ITPK1: variants seen among roughly 807,000 people sequenced by gnomAD.
ITPK1 encodes the protein inositol-tetrakisphosphate 1-kinase.
ITPK1 carries 21 observed loss-of-function variants against 45.3 expected under a neutral mutation model. The ratio of observed to expected loss-of-function variants is 0.46; its 90% confidence interval spans 0.33 to 0.67. The LOEUF (loss-of-function observed/expected upper bound fraction) is 0.67, where lower values mean the gene tolerates loss of function less well. Ranked by LOEUF, ITPK1 falls within the 30% of genes least tolerant of loss-of-function variation. The pLI is 0.02. For synonymous variants in ITPK1, 258 were observed against 253.6 expected (o/e 1.02, Z -0.16); for missense variants, 474 against 573.5 (o/e 0.83, Z 1.77).
intron 7 of ITPK1, among the ~76,000 whole-genome samples, chr14:92,961,540 C>A (rs1488175651): frequency 6.6e-6 from 1 of 152,238 alleles, no homozygotes; most frequent in African/African-American, 2.4e-5. Flanking sequence ...CGTCTCAATT[C>A]AGCAGCATGG....
intron 3 of ITPK1, among the ~76,000 whole-genome samples, chr14:93,051,323 CAA>C (rs973893767): frequency 1.3e-5 from 2 of 152,200 alleles, no homozygotes; most frequent in African/African-American, 4.8e-5. Flanking sequence ...AAACACAGAT[CAA>C]GAGAGAGTGG....
chr14:93,066,301 C>T (rs553250666), intron 3 of ITPK1: 235 of 450,816 alleles, frequency 5.2e-4, no homozygotes, highest in African/African-American at 4.3e-3. Context: ...CGTGTGTGCG[C>T]GTGCATGTGT....
intron 3 of ITPK1, among the ~76,000 whole-genome samples, chr14:93,049,533 A>T (rs1467066091): frequency 6.6e-6 from 1 of 152,038 alleles, no homozygotes; most frequent in Non-Finnish European, 1.5e-5. Context: ...GGCCTCATAA[A>T]CCATTCTCCA....
intron 2 of ITPK1, among the ~76,000 whole-genome samples, chr14:93,106,456 T>TTA (rs1174580842): frequency 6.6e-6 from 1 of 152,152 alleles, no homozygotes; most frequent in Admixed American, 6.5e-5. Context: ...TGGCAGAGGC[T>TTA]TATAAGGCTT....
chr14:93,019,362 C>T (rs1228015771), intron 3 of ITPK1, among the ~76,000 whole-genome samples: 1 of 152,212 alleles, frequency 6.6e-6, no homozygotes, highest in East Asian at 1.9e-4. Context: ...CAGCCTGAGG[C>T]CCGTAGACCT....
In ITPK1 at chr14:93,047,741, T is replaced by C. The variant is rs141539434; in HGVS notation, c.120+28854A>G. ...CCACGCAGTTTGCAGTGACCTGTTA[T>C]GGCATTCCTAGCAGGCAAATATGAT... On this transcript the variant is annotated intron_variant, in intron 3 of 10. Transcript: ENST00000267615. Among the ~76,000 whole-genome samples, 633 of 152,312 alleles carry C rather than the reference T, an allele frequency of 4.2e-3. 2 individuals are homozygous for C. The highest frequency in any genetic ancestry group is 0.014 in the African/African-American group (578 of 41,576).
intron 4 of ITPK1, among the ~76,000 whole-genome samples, chr14:92,998,310 C>T (rs61993817): frequency 0.21 from 31,688 of 152,188 alleles, 4,004 homozygotes; most frequent in East Asian, 0.31. Context: ...TTGCCCTGTG[C>T]AGCCGACCCC....
At chr14:92,974,826 T>C (rs1243767844) in intron 5 of ITPK1, among the ~76,000 whole-genome samples, 1 of 152,182 alleles carries the variant, frequency 6.6e-6, no homozygotes, top group Non-Finnish European at 1.5e-5. Context: ...CAGGACTGGG[T>C]GCTGCCCAGC....
At chr14:93,040,215 A>G (rs1273942283) in intron 3 of ITPK1, among the ~76,000 whole-genome samples, 3 of 152,224 alleles carry the variant, frequency 2.0e-5, no homozygotes, top group African/African-American at 7.2e-5. Flanking sequence ...CCACTTACAG[A>G]CCAGAAAACT....
chr14:93,090,411 T>G (rs551875652), intron 2 of ITPK1, among the ~76,000 whole-genome samples: 1 of 152,048 alleles, frequency 6.6e-6, no homozygotes, highest in African/African-American at 2.4e-5. Context: ...GATCGAGACC[T>G]GAAGGGCCAG....
chr14:93,080,224 T>C (rs942268638), intron 2 of ITPK1, among the ~76,000 whole-genome samples: 1 of 152,060 alleles, frequency 6.6e-6, no homozygotes, highest in African/African-American at 2.4e-5. Flanking sequence ...ACACACAGAG[T>C]GAACCTGAGG....
intron 2 of ITPK1, among the ~76,000 whole-genome samples, chr14:93,108,446 T>C (rs956479457): frequency 1.3e-5 from 2 of 152,088 alleles, no homozygotes; most frequent in Non-Finnish European, 2.9e-5. Flanking sequence ...GTGGGAGAAA[T>C]AACCGGTAAA....
rs757908038 is a variant in ITPK1 at position 93,016,711 on chromosome 14, C to T, written c.211G>A (p.Asp71Asn). Residue 71 changes from aspartate (D) to asparagine (N), a missense_variant, in exon 4 of 11, where the codon GAT (aspartate) becomes AAT (asparagine). Physicochemically the swap from Asp to Asn is conservative, Grantham distance 23. Transcript: ENST00000267615. This position sits in a 1 kb window ranked among gnomAD's most constrained non-coding sequence, Gnocchi z 5.0. ...TDVILEADQN[D>N]SQSLELVHRF... is the part of the protein sequence containing the mutation. ...TGCACCAGCTCCAGGGACTGGCTATCATTCTGGTCGGCTTCAAGGATGACG... is the reference window on the plus strand; with the variant it reads ...TGCACCAGCTCCAGGGACTGGCTATTATTCTGGTCGGCTTCAAGGATGACG... The T allele has an allele frequency of 1.2e-6, 2 of 1,614,172 alleles. No individual in the cohort carries two copies. Among genetic ancestry groups the T allele is most frequent in the Non-Finnish European group, 1.7e-6 (2 of 1,180,008 alleles).
intron 5 of ITPK1, among the ~76,000 whole-genome samples, chr14:92,991,754 G>C (rs1886800557): frequency 6.6e-6 from 1 of 151,650 alleles, no homozygotes; most frequent in African/African-American, 2.4e-5. Context: ...CACCCACCCT[G>C]AGCCCAGGCT....
rs559421341 is a variant in ITPK1 at position 93,114,718 on chromosome 14, C to T, written c.95+351G>A. 1.3e-4 allele frequency among the ~76,000 whole-genome samples: 20 copies of T among 152,276 alleles called. No homozygotes were observed. In the South Asian group the frequency reaches 3.9e-3, roughly 30 times the overall value. On this transcript the variant is annotated intron_variant, in intron 2 of 10. Transcript: ENST00000267615. ...GAAAAACACTCCGGTCCAAAAGTAC[C>T]CTCAAGCCCTTACCCCACAGCGTGG...
intron 2 of ITPK1, among the ~76,000 whole-genome samples, chr14:93,077,538 A>C (rs1286491129): frequency 6.6e-6 from 1 of 151,796 alleles, no homozygotes; most frequent in Non-Finnish European, 1.5e-5. Context: ...GGCTGGTCTC[A>C]AACTCCTGAC....
At chr14:93,107,123 A>G (rs1038365473) in intron 2 of ITPK1, among the ~76,000 whole-genome samples, 2 of 152,026 alleles carry the variant, frequency 1.3e-5, no homozygotes, top group Non-Finnish European at 2.9e-5. Flanking sequence ...ATGCCCTGCT[A>G]ATTTTTGTAT....
At chr14:93,112,148 T>C (rs1892780173) in intron 2 of ITPK1, among the ~76,000 whole-genome samples, 1 of 151,950 alleles carries the variant, frequency 6.6e-6, no homozygotes, top group Non-Finnish European at 1.5e-5. Context: ...CCTGGAAAGA[T>C]AATGAGGGAG....
In ITPK1 at chr14:92,937,464, G is replaced by A. The variant is rs1348931230; in HGVS notation, c.*4097C>T. On this transcript the variant is annotated 3_prime_UTR_variant, in exon 11 of 11. Transcript: ENST00000267615. ...CACCAGGTCACAGATGACTCTTGAA[G>A]GGAAAATGTAATCATTTCTGAAAAG... The A allele has an allele frequency of 6.6e-6, 1 of 152,292 alleles. No homozygotes were observed. 9.4% of individuals were successfully genotyped at this position (152,292 alleles called of 1,614,324 possible). A position where few individuals can be genotyped will look rare whatever the true frequency, so the allele number is the denominator to read the frequency against.
Sources: gnomAD v4.1 joint callset for allele counts (sites outside exome capture counted in the v4.1 genomes callset) on GRCh38, gnomAD v4.1.1 for gene constraint, Gnocchi (gnomAD v3.1) non-coding constraint, MANE v1.5 for transcripts, NCBI Gene and HGNC (gene_info 2026-07-23, HGNC 2026-07-21) for gene names.